Variants in USP34 observed in about 807,000 individuals in gnomAD.
The protein encoded by USP34 is ubiquitin specific peptidase 34, also known as ubiquitin carboxyl-terminal hydrolase 34.
Under a neutral mutation model 460.3 loss-of-function variants are expected in USP34, and 70 were observed. The ratio of observed to expected loss-of-function variants is 0.15; its 90% CI spans 0.13 to 0.19. The LOEUF (loss-of-function observed/expected upper bound fraction) is 0.19. Among genes scored for constraint, USP34 ranks in the 10% least tolerant of loss-of-function variants. The probability of loss-of-function intolerance (pLI) is 1.00; values close to 1 mark genes in which losing one functional copy is unlikely to be tolerated. For synonymous variants in USP34, 1,647 were observed against 1,405.3 expected, an observed-to-expected ratio of 1.17 and a Z score of -3.85; for missense variants, 3,985 against 4,236.2, an observed-to-expected ratio of 0.94 and a Z score of 1.65.
At chr2:61,256,580 A>T (rs68101593) in intron 47 of USP34, 102 bp from the exon 48 acceptor site, 366,710 of 755,410 alleles carry the variant, frequency 0.49, 90,499 homozygotes, top group African/African-American at 0.76. Flanking sequence ...CAGCAAAAAA[A>T]TTTTTTTTTT....
intron 23 of USP34, 132 bp downstream of exon 23, chr2:61,317,522 A>G (rs1690788623): frequency 1.4e-6 from 1 of 699,084 alleles, no homozygotes; most frequent in South Asian, 2.0e-5. Context: ...GATAGACTCC[A>G]TCTCAAAACA....
intron 7 of USP34, among the ~76,000 whole-genome samples, chr2:61,378,763 G>A (rs1692871653): frequency 6.6e-6 from 1 of 151,692 alleles, no homozygotes; most frequent in African/African-American, 2.4e-5. Context: ...AAAATTAGCT[G>A]GGTATGGTGG....
At chr2:61,254,084 C>T (rs974614632) in intron 48 of USP34, among the ~76,000 whole-genome samples, 2 of 152,136 alleles carry the variant, frequency 1.3e-5, no homozygotes, top group African/African-American at 2.4e-5. Context: ...CCATGTGTCC[C>T]GACAATGTTG....
chr2:61,387,220 G>A (rs1435751774), intron 5 of USP34, among the ~76,000 whole-genome samples: 1 of 152,018 alleles, frequency 6.6e-6, no homozygotes, highest in East Asian at 1.9e-4. Context: ...AAGCACTTTG[G>A]GAGGCTGAGG....
intron 3 of USP34, among the ~76,000 whole-genome samples, chr2:61,402,287 G>GA (rs978499249): frequency 6.6e-6 from 1 of 151,806 alleles, no homozygotes. Flanking sequence ...CTCTTAAGGG[G>GA]AAAAAAATTA....
At chr2:61,265,010 G>C (rs1231424965) in intron 43 of USP34, among the ~76,000 whole-genome samples, 2 of 152,158 alleles carry the variant, frequency 1.3e-5, no homozygotes, top group African/African-American at 2.4e-5. Flanking sequence ...CAAGCTAAGT[G>C]ATTCTGGTAA....
chr2:61,387,290 CCAT>C (rs1558564222), intron 5 of USP34, among the ~76,000 whole-genome samples: 2 of 151,784 alleles, frequency 1.3e-5, no homozygotes, highest in African/African-American at 2.4e-5. Flanking sequence ...TAGTGAAATC[CCAT>C]CTCTACTAAA....
chr2:61,218,605 A>G (rs1687471132), intron 67 of USP34, among the ~76,000 whole-genome samples: 1 of 151,728 alleles, frequency 6.6e-6, no homozygotes, highest in Non-Finnish European at 1.5e-5. Context: ...CCCATCTAGT[A>G]TACATTACAG....
At chr2:61,210,834 C>T (rs187612505) in intron 69 of USP34, among the ~76,000 whole-genome samples, 1 of 152,276 alleles carries the variant, frequency 6.6e-6, no homozygotes, top group African/African-American at 2.4e-5. Context: ...CCTCAGCCCC[C>T]CGAGGAGCTG....
intron 10 of USP34, among the ~76,000 whole-genome samples, chr2:61,354,404 C>G (rs1007095458): frequency 6.6e-6 from 1 of 152,200 alleles, no homozygotes; most frequent in Non-Finnish European, 1.5e-5. Context: ...GCAAAACTGT[C>G]CTTCAAAAAT....
chr2:61,453,211 G>C (rs750852194), intron 1 of USP34, among the ~76,000 whole-genome samples: 5 of 151,994 alleles, frequency 3.3e-5, no homozygotes, highest in Non-Finnish European at 7.4e-5. Flanking sequence ...ATGAGTTCGA[G>C]ACCAGCCTGG....
chr2:61,432,181 T>TA (rs1397128495), intron 1 of USP34, among the ~76,000 whole-genome samples: 292 of 143,428 alleles, frequency 2.0e-3, no homozygotes, highest in African/African-American at 4.4e-3. Flanking sequence ...GTTTTTCAAT[T>TA]AAAAAAAAAA....
Position 61,293,644 on chromosome 2 carries a change from G to A in USP34, c.4462-94C>T, listed in dbSNP as rs377043132. 119 of 841,354 alleles carry A rather than the reference G, an allele frequency of 1.4e-4. 2 individuals are homozygous for A. The East Asian group carries it at 2.2e-3, about 15-fold the overall frequency. The allele number at this position is 841,354 out of a possible 1,614,324, so 52.1% of individuals were successfully genotyped here. A position where few individuals can be genotyped will look rare whatever the true frequency, so the allele number is the denominator to read the frequency against. On this transcript the variant is annotated intron_variant, in intron 32 of 79. Transcript: ENST00000398571. ...AGTAACTGGATATGTAAAATATTAC[G>A]TATCTTTTATTTACACTACTATTCA...
intron 10 of USP34, among the ~76,000 whole-genome samples, chr2:61,363,846 CAGTAG>C (rs1328794064): frequency 1.5e-5 from 1 of 67,610 alleles, no homozygotes; most frequent in East Asian, 4.2e-4. Flanking sequence ...TATATACATA[CAGTAG>C]AGTATTAGTC....
intron 35 of USP34, among the ~76,000 whole-genome samples, chr2:61,283,854 A>G (rs760836359): frequency 1.3e-5 from 2 of 152,060 alleles, no homozygotes; most frequent in Non-Finnish European, 2.9e-5. Context: ...TCATTTATTT[A>G]AAGACTCACT....
chr2:61,406,630 A>AAC (rs552618249), intron 2 of USP34, among the ~76,000 whole-genome samples: 4 of 151,616 alleles, frequency 2.6e-5, no homozygotes, highest in South Asian at 2.1e-4. Context: ...GTTTAGGAAC[A>AAC]ACACACACAC....
intron 8 of USP34, among the ~76,000 whole-genome samples, chr2:61,371,199 C>A (rs2103838768): frequency 6.6e-6 from 1 of 152,162 alleles, no homozygotes; most frequent in East Asian, 1.9e-4. Context: ...TCACTGTGGC[C>A]ACCATGTCAT....
At chr2:61,204,058 A>C (rs1483896214) in intron 74 of USP34, among the ~76,000 whole-genome samples, 198 bp downstream of exon 74, 1 of 152,172 alleles carries the variant, frequency 6.6e-6, no homozygotes, top group Non-Finnish European at 1.5e-5. Flanking sequence ...AAAACTTACT[A>C]CTTGTGCTTA....
At chr2:61,268,209 T>C (rs1225561244) in intron 41 of USP34, among the ~76,000 whole-genome samples, 1 of 152,042 alleles carries the variant, frequency 6.6e-6, no homozygotes, top group Non-Finnish European at 1.5e-5. Flanking sequence ...ACTGTTGTCT[T>C]AGTCTGTTTA....
Sources: gnomAD v4.1 joint callset for allele counts (sites outside exome capture counted in the v4.1 genomes callset) on GRCh38, gnomAD v4.1.1 for gene constraint, MANE v1.5 for transcripts, NCBI Gene and HGNC (gene_info 2026-07-23, HGNC 2026-07-21) for gene names.